The following STT3B variants were observed in gnomAD, a reference collection of about 807,000 sequenced individuals.
The protein encoded by STT3B is STT3 oligosaccharyltransferase complex catalytic subunit B.
A neutral mutation model predicts 96.8 loss-of-function variants in STT3B; 29 were observed. That is an observed-to-expected ratio of 0.30 (90% CI 0.22 to 0.41). The LOEUF (loss-of-function observed/expected upper bound fraction) is 0.41. STT3B is among the 10% of genes least tolerant of loss of function. STT3B has a pLI of 1.00. For missense variants in STT3B, 640 were observed against 1,022.3 expected (o/e 0.63, Z 5.10); for synonymous variants, 367 against 360.0 (o/e 1.02, Z -0.22).
intron 3 of STT3B, among the ~76,000 whole-genome samples, chr3:31,587,525 G>A (rs1397490320): frequency 6.6e-6 from 1 of 151,852 alleles, no homozygotes; most frequent in Non-Finnish European, 1.5e-5. Flanking sequence ...GACCTTACCT[G>A]TTTTACATCT....
chr3:31,614,172 C>G (rs72856078), intron 5 of STT3B, among the ~76,000 whole-genome samples: 1 of 151,942 alleles, frequency 6.6e-6, no homozygotes, highest in Admixed American at 6.6e-5. Context: ...TACACAAATA[C>G]GTGTATTCCT....
chr3:31,608,835 G>A (rs1003259508), intron 5 of STT3B, among the ~76,000 whole-genome samples: 1 of 152,188 alleles, frequency 6.6e-6, no homozygotes, highest in Admixed American at 6.5e-5. Context: ...AGGATGTGTT[G>A]GCCAGGTGCA....
At chr3:31,591,401 C>T (rs1044203574) in intron 3 of STT3B, among the ~76,000 whole-genome samples, 9 of 151,976 alleles carry the variant, frequency 5.9e-5, no homozygotes, top group African/African-American at 7.3e-5. Context: ...CCAGACTGAC[C>T]ATCTCTGCCT....
At chr3:31,556,284 C>G (rs1239249806) in intron 1 of STT3B, among the ~76,000 whole-genome samples, 2 of 152,122 alleles carry the variant, frequency 1.3e-5, no homozygotes, top group Non-Finnish European at 2.9e-5. Flanking sequence ...TACCACACTT[C>G]CTTTATTCAT....
intron 1 of STT3B, among the ~76,000 whole-genome samples, chr3:31,574,701 CAG>C (rs1698227725): frequency 6.6e-6 from 1 of 152,124 alleles, no homozygotes; most frequent in South Asian, 2.1e-4. Flanking sequence ...AAATTCCCCT[CAG>C]AAATTTGGAT....
intron 6 of STT3B, among the ~76,000 whole-genome samples, chr3:31,616,559 C>T (rs945733012): frequency 2.6e-5 from 4 of 151,772 alleles, no homozygotes; most frequent in African/African-American, 9.7e-5. Context: ...CAAAACAAAT[C>T]GGAGAATTGT....
At chr3:31,623,970 C>T in intron 11 of STT3B, 109 bp downstream of exon 11, 2 of 965,840 alleles carry the variant, frequency 2.1e-6, no homozygotes, top group South Asian at 2.2e-5. Flanking sequence ...TCTGCATTTG[C>T]TTGTTTTTAA....
intron 6 of STT3B, among the ~76,000 whole-genome samples, chr3:31,616,530 A>G (rs1257474186): frequency 6.6e-6 from 1 of 151,734 alleles, no homozygotes; most frequent in Non-Finnish European, 1.5e-5. Context: ...TCCTGATCCT[A>G]AGTCTTTGTA....
chr3:31,624,420 A>G (rs559730631), intron 11 of STT3B, among the ~76,000 whole-genome samples: 1 of 152,374 alleles, frequency 6.6e-6, no homozygotes, highest in South Asian at 2.1e-4. Context: ...TTGTACACAC[A>G]GCATCATCAT....
intron 1 of STT3B, among the ~76,000 whole-genome samples, chr3:31,569,008 C>G (rs1230248768): frequency 6.6e-6 from 1 of 151,974 alleles, no homozygotes; most frequent in Non-Finnish European, 1.5e-5. Flanking sequence ...TACTTTCTTT[C>G]TTTCTTTTTG....
chr3:31,593,294 T>C (rs1698707137), intron 3 of STT3B, among the ~76,000 whole-genome samples: 1 of 152,178 alleles, frequency 6.6e-6, no homozygotes, highest in Non-Finnish European at 1.5e-5. Flanking sequence ...CTGCCTTCTG[T>C]CAAAATTTTT....
intron 5 of STT3B, among the ~76,000 whole-genome samples, chr3:31,607,796 C>T (rs546979677): frequency 3.3e-4 from 50 of 151,908 alleles, no homozygotes; most frequent in Non-Finnish European, 6.8e-4. Flanking sequence ...AGGGGGATCT[C>T]ATTAAGTTGC....
At chr3:31,599,139 A>C (rs1698865520) in intron 4 of STT3B, among the ~76,000 whole-genome samples, 1 of 152,092 alleles carries the variant, frequency 6.6e-6, no homozygotes, top group Admixed American at 6.6e-5. Flanking sequence ...AGGTTTCTTA[A>C]GATTGGGGTT....
chr3:31,569,315 C>T (rs1698083027), intron 1 of STT3B, among the ~76,000 whole-genome samples: 1 of 152,078 alleles, frequency 6.6e-6, no homozygotes, highest in African/African-American at 2.4e-5. Flanking sequence ...TTTTGAATAC[C>T]GTATTGTACT....
At chr3:31,535,718 C>G (rs1334620723) in intron 1 of STT3B, among the ~76,000 whole-genome samples, 7 of 152,040 alleles carry the variant, frequency 4.6e-5, no homozygotes, top group Admixed American at 4.6e-4. Flanking sequence ...GAGCGAAACT[C>G]CGACTCAAAA....
At chr3:31,611,873 A>G (rs1340047792) in intron 5 of STT3B, among the ~76,000 whole-genome samples, 1 of 152,064 alleles carries the variant, frequency 6.6e-6, no homozygotes, top group African/African-American at 2.4e-5. Context: ...CTTATTTTCT[A>G]TGTCTTAAAA....
At chr3:31,544,602 C>G (rs942237460) in intron 1 of STT3B, among the ~76,000 whole-genome samples, 1 of 152,136 alleles carries the variant, frequency 6.6e-6, no homozygotes, top group Non-Finnish European at 1.5e-5. Flanking sequence ...AAAAACAAAT[C>G]TTTGTCCATC....
chr3:31,554,596 C>A (rs765192063), intron 1 of STT3B, among the ~76,000 whole-genome samples: 1 of 152,144 alleles, frequency 6.6e-6, no homozygotes, highest in African/African-American at 2.4e-5. Context: ...TAACTCAGAG[C>A]AGATTTTTCA....
rs115881540 is a variant in STT3B at position 31,603,427 on chromosome 3, T to G, written c.877+2968T>G. Among the ~76,000 whole-genome samples, 862 of 151,988 alleles carry G rather than the reference T, an allele frequency of 5.7e-3. 6 individuals are homozygous for G. Among genetic ancestry groups the G allele is most frequent in the African/African-American group, 0.02 (817 of 41,480 alleles). ...TGGGAGGCCGTCTCTACTTGAAATT[T>G]TGGGAGGAAAAATTTAATTTTCTGT... On this transcript the variant is annotated intron_variant, in intron 5 of 15. Transcript: ENST00000295770.
Sources: gnomAD v4.1 joint callset for allele counts (sites outside exome capture counted in the v4.1 genomes callset) on GRCh38, gnomAD v4.1.1 for gene constraint, MANE v1.5 for transcripts, NCBI Gene and HGNC (gene_info 2026-07-23, HGNC 2026-07-21) for gene names.